The following FSCN2 variants were observed in gnomAD, a reference collection of about 807,000 sequenced individuals.
FSCN2 encodes the protein fascin actin-bundling protein 2, retinal.
Under a neutral mutation model 37.8 loss-of-function variants are expected in FSCN2, and 46 were observed. The ratio of observed to expected loss-of-function variants is 1.22; its 90% CI spans 0.96 to 1.56. The LOEUF is 1.56. FSCN2 is among the 40% of genes most tolerant of loss of function. The probability of loss-of-function intolerance (pLI) is 0.00; values close to 1 mark genes in which losing one functional copy is unlikely to be tolerated. For synonymous variants in FSCN2, 351 were observed against 309.4 expected, an observed-to-expected ratio of 1.13 and a Z score of -1.41; for missense variants, 844 against 730.4, an observed-to-expected ratio of 1.16 and a Z score of -1.79.
chr17:81,529,348 G>A lies in FSCN2; in HGVS notation c.817G>A (p.Val273Met), dbSNP rs909055651. The A allele has an allele frequency of 6.5e-7, 1 of 1,542,406 alleles. No individual in the cohort carries two copies. The highest frequency in any genetic ancestry group is 8.8e-7 in the Non-Finnish European group (1 of 1,142,664). The change falls in exon 1 of 5, where the codon GTG (valine) becomes ATG (methionine). Residue 273 changes from valine to methionine, a missense_variant. Transcript: ENST00000417245. ...LVAANHRYVS[V>M]RQGVNVSANQ... ...GGCTGCCAACCACCGCTACGTCTCT[G>A]TGCGGCAAGGTAGGGAGGGCACAGG... is the stretch of plus-strand genomic sequence containing the variant.
At chr17:81,531,417 GTGATAGTGA>G (rs2032581514) in intron 1 of FSCN2, among the ~76,000 whole-genome samples, 5 of 70,942 alleles carry the variant, frequency 7.0e-5, no homozygotes, top group African/African-American at 3.0e-4. Context: ...GATGGTGGTG[GTGATAGTGA>G]TGATGGAGAT....
intron 1 of FSCN2, among the ~76,000 whole-genome samples, chr17:81,531,024 C>A (rs1202612563): frequency 6.6e-6 from 1 of 152,244 alleles, no homozygotes; most frequent in Admixed American, 6.5e-5. Context: ...TGTATATGGA[C>A]AGCTTGGAAA....
chr17:81,529,162 A>AC lies in FSCN2; in HGVS notation c.632dup (p.Leu212AlafsTer39). 1 of 1,589,028 alleles carries AC rather than the reference A, an allele frequency of 6.3e-7. No individual in the cohort carries two copies. On this transcript the variant is annotated frameshift_variant, in exon 1 of 5. Coordinates refer to ENST00000417245, the MANE Select transcript of FSCN2 (RefSeq NM_012418.4). LOFTEE classifies it high-confidence loss of function. Reference sequence around the variant, plus strand: ...GGAGCCTGAGCCCCGTGCCTGCTACACGCTGGAGTTCAAGGCGGGCAAGCT... The same window carrying AC: ...GGAGCCTGAGCCCCGTGCCTGCTACACCGCTGGAGTTCAAGGCGGGCAAGCT...
the FSCN2 span, among the ~76,000 whole-genome samples, chr17:81,518,098 C>G: frequency 6.6e-6 from 1 of 152,150 alleles, no homozygotes; most frequent in Non-Finnish European, 1.5e-5. Flanking sequence ...ATCTAAGCCC[C>G]TTCCCCTGGT....
the FSCN2 span, among the ~76,000 whole-genome samples, chr17:81,517,377 C>T: frequency 1.5e-3 from 230 of 152,274 alleles, 3 homozygotes; most frequent in Admixed American, 0.014. Flanking sequence ...GAGGGCTCTG[C>T]GATGTGAGAT....
At chr17:81,518,654 C>CG in the FSCN2 span, among the ~76,000 whole-genome samples, 13 of 152,204 alleles carry the variant, frequency 8.5e-5, no homozygotes, top group African/African-American at 2.9e-4. Context: ...GGCAGCAGGC[C>CG]GGGGAGCAGA....
chr17:81,515,336 CATGG>C, the FSCN2 span, among the ~76,000 whole-genome samples: 1 of 152,112 alleles, frequency 6.6e-6, no homozygotes, highest in Non-Finnish European at 1.5e-5. Flanking sequence ...GAGGGGACCG[CATGG>C]ATGGAGCTGG....
chr17:81,530,741 G>C, intron 1 of FSCN2: 4 of 386,128 alleles, frequency 1.0e-5, no homozygotes, highest in Non-Finnish European at 2.0e-5. Flanking sequence ...ATGGAGAGGG[G>C]AGCCCAGCCA....
the FSCN2 span, among the ~76,000 whole-genome samples, chr17:81,520,464 C>G: frequency 6.6e-6 from 1 of 152,260 alleles, no homozygotes; most frequent in Non-Finnish European, 1.5e-5. Context: ...AGCACCTTGA[C>G]AAGCCCCATT....
intron 1 of FSCN2, among the ~76,000 whole-genome samples, chr17:81,533,789 C>T (rs2032770507): frequency 6.6e-6 from 1 of 152,158 alleles, no homozygotes; most frequent in Non-Finnish European, 1.5e-5. Flanking sequence ...AATGAGTAGC[C>T]CCAGACAGCA....
intron 1 of FSCN2, among the ~76,000 whole-genome samples, chr17:81,531,339 G>A (rs797036170): frequency 1.3e-4 from 10 of 74,674 alleles, no homozygotes; most frequent in African/African-American, 5.4e-4. Context: ...GGTGGTGATG[G>A]TGGTGGTGAT....
chr17:81,536,816 G>T (rs781501882), intron 4 of FSCN2, 27 bp downstream of exon 4: 2 of 1,558,692 alleles, frequency 1.3e-6, no homozygotes, highest in Non-Finnish European at 1.7e-6. Context: ...GTGGGCACGC[G>T]GGAGCGGGGG....
chr17:81,515,763 A>ACATGGGGGCGTGGG, the FSCN2 span, among the ~76,000 whole-genome samples: 1 of 152,264 alleles, frequency 6.6e-6, no homozygotes, highest in African/African-American at 2.4e-5. Context: ...TGTCAGACAG[A>ACATGGGGGCGTGGG]CATGGGGGCG....
At chr17:81,515,513 C>A in the FSCN2 span, among the ~76,000 whole-genome samples, 11 of 152,226 alleles carry the variant, frequency 7.2e-5, no homozygotes, top group African/African-American at 2.7e-4. Context: ...TTATCATGAC[C>A]TTGTTATGTC....
chr17:81,536,299 G>A, intron 3 of FSCN2, 32 bp downstream of exon 3: 1 of 1,578,284 alleles, frequency 6.3e-7, no homozygotes. Flanking sequence ...TACTGGGGCA[G>A]GGGCTGTCTC....
chr17:81,529,315 G>A lies in FSCN2; in HGVS notation c.784G>A (p.Val262Met). Residue 262 changes from valine (V) to methionine (M), a missense_variant, in exon 1 of 5, where the codon GTG becomes ATG. Physicochemically the swap from Val to Met is conservative, Grantham distance 21 (BLOSUM62 1). Transcript: ENST00000417245. ...TCTGGAGGAGAGTCACCCACAGGTGGTGCTGGTGGCTGCCAACCACCGCTA... is the reference window on the plus strand; with the variant it reads ...TCTGGAGGAGAGTCACCCACAGGTGATGCTGGTGGCTGCCAACCACCGCTA... Reference protein sequence around the residue: ...FDLEESHPQVVLVAANHRYVS... With the variant: ...FDLEESHPQVMLVAANHRYVS... The A allele has an allele frequency of 1.3e-6, 2 of 1,561,930 alleles. No homozygotes were observed. The highest frequency in any genetic ancestry group is 1.7e-6 in the Non-Finnish European group (2 of 1,152,234).
Position 81,528,531 on chromosome 17 carries a change from G to A in FSCN2, c.-1G>A. The A allele has an allele frequency of 6.3e-7, 1 of 1,587,248 alleles. No individual in the cohort carries two copies. Among genetic ancestry groups the A allele is most frequent in the South Asian group, 1.1e-5 (1 of 87,750 alleles). ...CCTCCGGGGACCCGGCCAGCCTGAA[G>A]ATGCCGACGAACGGCCTGCACCAGG... On this transcript the variant is annotated 5_prime_UTR_variant, in exon 1 of 5. Transcript: ENST00000417245.
intron 1 of FSCN2, among the ~76,000 whole-genome samples, chr17:81,531,228 ATGG>A (rs2032547009): frequency 1.7e-5 from 1 of 57,834 alleles, no homozygotes; most frequent in South Asian, 5.4e-4. Context: ...GATGGTGATA[ATGG>A]TGATGGTGGT....
At chr17:81,523,049 C>A in the FSCN2 span, among the ~76,000 whole-genome samples, 1 of 152,232 alleles carries the variant, frequency 6.6e-6, no homozygotes, top group Non-Finnish European at 1.5e-5. Flanking sequence ...CTAGAGCCCT[C>A]TTCCTCCCCT....
Sources: gnomAD v4.1 joint callset for allele counts (sites outside exome capture counted in the v4.1 genomes callset) on GRCh38, gnomAD v4.1.1 for gene constraint, MANE v1.5 for transcripts, NCBI Gene and HGNC (gene_info 2026-07-23, HGNC 2026-07-21) for gene names.